The following DGKB variants were observed in gnomAD, a reference collection of about 807,000 sequenced individuals.
DGKB encodes diacylglycerol kinase beta, also known as 90 kDa diacylglycerol kinase.
A neutral mutation model predicts 114.3 loss-of-function variants in DGKB; 67 were observed. The ratio of observed to expected loss-of-function variants is 0.59; its 90% CI spans 0.48 to 0.72. DGKB has a LOEUF of 0.72. DGKB is among the 30% of genes least tolerant of loss of function. The probability of loss-of-function intolerance (pLI) is 0.00; values close to 1 mark genes in which losing one functional copy is unlikely to be tolerated. For synonymous variants in DGKB, 398 were observed against 323.1 expected, an observed-to-expected ratio of 1.23 and a Z score of -2.49; for missense variants, 907 against 975.2, an observed-to-expected ratio of 0.93 and a Z score of 0.93.
At chr7:14,244,751 G>A (rs1794222469) in intron 23 of DGKB, among the ~76,000 whole-genome samples, 1 of 150,830 alleles carries the variant, frequency 6.6e-6, no homozygotes, top group Non-Finnish European at 1.5e-5. Flanking sequence ...AGGGTGACTG[G>A]TCCCTTTCCA....
intron 13 of DGKB, among the ~76,000 whole-genome samples, chr7:14,636,046 G>C (rs1396241307): frequency 6.6e-6 from 1 of 151,700 alleles, no homozygotes; most frequent in South Asian, 2.1e-4. Flanking sequence ...GGTTATAATG[G>C]AATTTGTTCT....
intron 13 of DGKB, among the ~76,000 whole-genome samples, chr7:14,653,657 T>A (rs555126821): frequency 8.2e-5 from 12 of 146,986 alleles, no homozygotes; most frequent in South Asian, 2.2e-4. Context: ...AAGTATAATT[T>A]AAAAAAAAAA....
At chr7:14,879,730 G>A (rs981412636) in intron 1 of DGKB, among the ~76,000 whole-genome samples, 1 of 152,054 alleles carries the variant, frequency 6.6e-6, no homozygotes, top group Non-Finnish European at 1.5e-5. Context: ...TCTTCTCCAT[G>A]GTAAAATACC....
In DGKB at chr7:14,295,675, A is replaced by T. The variant is rs182069668; in HGVS notation, c.2122+42840T>A. Reference sequence around the variant, plus strand: ...AGTAAATAAATATGCCAACCTTCAAACCTCCATCCACCTGGTTCCAAGACT... The same window carrying T: ...AGTAAATAAATATGCCAACCTTCAATCCTCCATCCACCTGGTTCCAAGACT... On this transcript the variant is annotated intron_variant, in intron 23 of 25. Transcript: ENST00000402815. Among the ~76,000 whole-genome samples the T allele has an allele frequency of 5.9e-5, 9 of 152,056 alleles. No individual in the cohort carries two copies. The East Asian group carries it at 1.5e-3, about 26-fold the overall frequency.
intron 21 of DGKB, 100 bp downstream of exon 21, chr7:14,478,061 T>A: frequency 1.4e-6 from 1 of 711,266 alleles, no homozygotes; most frequent in East Asian, 2.9e-5. Flanking sequence ...CAAAGCCTCA[T>A]AAAGCCAGTA....
intron 13 of DGKB, among the ~76,000 whole-genome samples, chr7:14,667,702 C>CCTA (rs1308323213): frequency 6.6e-6 from 1 of 152,094 alleles, no homozygotes; most frequent in Non-Finnish European, 1.5e-5. Context: ...ACTGAAAAGG[C>CCTA]TCAGAGCCTA....
intron 21 of DGKB, among the ~76,000 whole-genome samples, chr7:14,470,298 G>A (rs950276769): frequency 6.6e-6 from 1 of 151,774 alleles, no homozygotes; most frequent in Admixed American, 6.6e-5. Flanking sequence ...CAGTAGTCCT[G>A]TTTACCTAGT....
At chr7:14,654,193 A>T (rs1815281417) in intron 13 of DGKB, among the ~76,000 whole-genome samples, 1 of 152,080 alleles carries the variant, frequency 6.6e-6, no homozygotes, top group Non-Finnish European at 1.5e-5. Context: ...AAGTTGCAGG[A>T]TATAAAAATT....
At chr7:14,955,424 A>G (rs1267707379) in intron 1 of DGKB, among the ~76,000 whole-genome samples, 2 of 151,954 alleles carry the variant, frequency 1.3e-5, no homozygotes, top group Non-Finnish European at 2.9e-5. Context: ...TCTGAACTAT[A>G]CGCTTTCCTT....
At chr7:14,320,266 G>A (rs1299708592) in intron 23 of DGKB, among the ~76,000 whole-genome samples, 1 of 152,088 alleles carries the variant, frequency 6.6e-6, no homozygotes, top group African/African-American at 2.4e-5. Context: ...ATCTTACAAT[G>A]AATTCTGAGC....
intron 1 of DGKB, among the ~76,000 whole-genome samples, chr7:14,899,758 T>C (rs1587313315): frequency 6.6e-6 from 1 of 152,126 alleles, no homozygotes; most frequent in African/African-American, 2.4e-5. Context: ...GATCCAATTT[T>C]GGGTATCATC....
intron 20 of DGKB, among the ~76,000 whole-genome samples, chr7:14,504,114 C>T (rs1786637281): frequency 6.6e-6 from 1 of 152,148 alleles, no homozygotes; most frequent in African/African-American, 2.4e-5. Context: ...AAAACAACCA[C>T]AATACACTAT....
intron 1 of DGKB, among the ~76,000 whole-genome samples, chr7:14,876,277 T>C (rs1014666363): frequency 6.6e-6 from 1 of 152,136 alleles, no homozygotes; most frequent in Non-Finnish European, 1.5e-5. Flanking sequence ...CTAATCTACA[T>C]GTAATTAAAG....
intron 20 of DGKB, among the ~76,000 whole-genome samples, chr7:14,541,773 G>C (rs1004633257): frequency 3.9e-5 from 6 of 152,136 alleles, no homozygotes; most frequent in African/African-American, 1.4e-4. Flanking sequence ...CCATGTTCCA[G>C]ACCTGCATTC....
Position 14,357,580 on chromosome 7 carries a change from C to A in DGKB, c.1836-12189G>T, listed in dbSNP as rs564658309. ...TCCAGTCTGTGTCTTTTAATTGGGG[C>A]ATTTAAACCATTTACATTTAAGGTT... On this transcript the variant is annotated intron_variant, in intron 21 of 25. Transcript: ENST00000402815. Among the ~76,000 whole-genome samples the A allele has an allele frequency of 1.1e-3, 166 of 152,244 alleles. 1 individual carries two copies. The highest frequency in any genetic ancestry group is 9.1e-4 in the Non-Finnish European group (62 of 68,018).
chr7:14,580,944 G>A lies in DGKB; in HGVS notation c.1527C>T (p.Ala509=). Residue 509 remains alanine (A), a synonymous_variant, in exon 19 of 26, where the codon GCC becomes GCT. Coordinates refer to ENST00000402815, the MANE Select transcript of DGKB (RefSeq NM_001350709.2). ...VGWVLDCIEK[A]NVGKHPPVAI... ...CAACTGGAGGATGCTTGCCTACATTGGCCTTTTCTGCAGAATAAAAAAAAA... is the reference window on the plus strand; with the variant it reads ...CAACTGGAGGATGCTTGCCTACATTAGCCTTTTCTGCAGAATAAAAAAAAA... 6.3e-7 allele frequency: 1 copy of A among 1,594,834 alleles called. No homozygotes were observed. The highest frequency in any genetic ancestry group is 8.6e-7 in the Non-Finnish European group (1 of 1,168,648).
chr7:14,854,259 T>C (rs1289881031), intron 1 of DGKB, among the ~76,000 whole-genome samples: 1 of 152,196 alleles, frequency 6.6e-6, no homozygotes, highest in Non-Finnish European at 1.5e-5. Flanking sequence ...CTTTGATATT[T>C]AAATTCTTTA....
intron 2 of DGKB, among the ~76,000 whole-genome samples, chr7:14,838,003 C>G (rs1262921210): frequency 6.6e-6 from 1 of 152,076 alleles, no homozygotes; most frequent in Non-Finnish European, 1.5e-5. Flanking sequence ...TCATAGAATC[C>G]ATTTTAATAA....
chr7:14,182,695 A>G (rs1479400983), intron 23 of DGKB, among the ~76,000 whole-genome samples: 5 of 152,212 alleles, frequency 3.3e-5, no homozygotes, highest in Admixed American at 3.3e-4. Flanking sequence ...TCAGGGGCAC[A>G]TATAGATTAG....
Sources: gnomAD v4.1 joint callset for allele counts (sites outside exome capture counted in the v4.1 genomes callset) on GRCh38, gnomAD v4.1.1 for gene constraint, MANE v1.5 for transcripts, NCBI Gene and HGNC (gene_info 2026-07-23, HGNC 2026-07-21) for gene names.